The following CNGA3 variants were observed in gnomAD, a reference collection of about 807,000 sequenced individuals.
CNGA3 encodes the protein cyclic nucleotide-gated channel alpha-3.
In CNGA3, 42 loss-of-function variants were observed where a neutral mutation model predicts 46.6. The observed-to-expected ratio is 0.90, with a 90% CI of 0.70 to 1.17. The LOEUF is 1.17. Ranked by LOEUF, CNGA3 falls within the 50% of genes most tolerant of loss-of-function variation. The pLI is 0.00. For missense variants in CNGA3, 893 were observed against 890.7 expected (o/e 1.00, Z -0.03); for synonymous variants, 394 against 369.4 (o/e 1.07, Z -0.76).
At chr2:98,367,186 T>C (rs1200514489) in intron 1 of CNGA3, among the ~76,000 whole-genome samples, 1 of 92,658 alleles carries the variant, frequency 1.1e-5, no homozygotes, top group East Asian at 3.0e-4. Flanking sequence ...CTTTTTTTTC[T>C]TTTTTTTTTT....
At chr2:98,388,017 G>A (rs777599760) in intron 5 of CNGA3, among the ~76,000 whole-genome samples, 2 of 152,178 alleles carry the variant, frequency 1.3e-5, no homozygotes, top group Non-Finnish European at 2.9e-5. Flanking sequence ...TAGAACATTA[G>A]ACTGAGCCAC....
intron 5 of CNGA3, 126 bp from the exon 6 acceptor site, chr2:98,389,532 A>G (rs1400515287): frequency 2.0e-5 from 17 of 833,386 alleles, no homozygotes; most frequent in Non-Finnish European, 3.3e-5. Context: ...CCTTGAGACT[A>G]AGAGGACCCT....
At chr2:98,358,244 GT>G (rs1178858190) in intron 1 of CNGA3, among the ~76,000 whole-genome samples, 2 of 152,286 alleles carry the variant, frequency 1.3e-5, no homozygotes, top group Non-Finnish European at 2.9e-5. Flanking sequence ...GGAAATAATT[GT>G]TTATTCGGCC....
At chr2:98,373,940 C>T (rs1403660388) in intron 2 of CNGA3, among the ~76,000 whole-genome samples, 1 of 152,228 alleles carries the variant, frequency 6.6e-6, no homozygotes. Context: ...TTTCATCCCA[C>T]TTCTCCAGGA....
At chr2:98,368,941 T>G (rs751867897) in intron 1 of CNGA3, among the ~76,000 whole-genome samples, 7 of 152,168 alleles carry the variant, frequency 4.6e-5, no homozygotes, top group Non-Finnish European at 1.0e-4. Context: ...AAAAGACATC[T>G]CAAAAGGCCG....
Position 98,396,301 on chromosome 2 carries a change from G to A in CNGA3, c.1131G>A (p.Glu377=), listed in dbSNP as rs1039033299. 4 of 1,610,894 alleles carry A rather than the reference G, an allele frequency of 2.5e-6. No homozygotes were observed. The highest frequency in any genetic ancestry group is 3.4e-6 in the Non-Finnish European group (4 of 1,177,756). Residue 377 remains glutamate (E), a synonymous_variant, in exon 8 of 8, where the codon GAG becomes GAA. Coordinates refer to ENST00000272602, the MANE Select transcript of CNGA3 (RefSeq NM_001298.3). ...CCCCACCCCCCGTGAAAGATGAGGA[G>A]TATCTCTTTGTGGTCGTAGACTTCT... ...GETPPPVKDE[E]YLFVVVDFLV...
intron 2 of CNGA3, among the ~76,000 whole-genome samples, chr2:98,371,238 G>T (rs1692279754): frequency 2.0e-5 from 3 of 152,120 alleles, no homozygotes; most frequent in Non-Finnish European, 4.4e-5. Context: ...TCCCCACTAT[G>T]CAGCTTAAAT....
intron 5 of CNGA3, 43 bp downstream of exon 5, chr2:98,383,484 GCCCTCCA>G: frequency 1.2e-6 from 2 of 1,603,554 alleles, no homozygotes; most frequent in Non-Finnish European, 1.7e-6. Context: ...CAAGCCCGGT[GCCCTCCA>G]CCCCATAGAA....
chr2:98,357,286 A>C (rs925395900), intron 1 of CNGA3, among the ~76,000 whole-genome samples: 14 of 152,218 alleles, frequency 9.2e-5, no homozygotes, highest in Non-Finnish European at 1.8e-4. Context: ...TGAGCACTGG[A>C]GTGCAAAAGT....
At chr2:98,377,423 G>A (rs1692430506) in intron 2 of CNGA3, 2 of 456,118 alleles carry the variant, frequency 4.4e-6, no homozygotes, top group Non-Finnish European at 4.1e-6. Context: ...TGAGGGCCAG[G>A]CCAGCATGTA....
intron 1 of CNGA3, among the ~76,000 whole-genome samples, chr2:98,352,843 C>G (rs1691796106): frequency 6.6e-6 from 1 of 152,188 alleles, no homozygotes; most frequent in Admixed American, 6.5e-5. Context: ...CTCCAACTTA[C>G]AGACAGCAGC....
chr2:98,391,469 T>C (rs1056225302), intron 6 of CNGA3, among the ~76,000 whole-genome samples: 34 of 152,218 alleles, frequency 2.2e-4, no homozygotes, highest in African/African-American at 7.7e-4. Context: ...ATTTACTGTC[T>C]GTTCCATTGT....
Position 98,396,066 on chromosome 2 carries a change from A to T in CNGA3, c.896A>T (p.Asn299Ile), listed in dbSNP as rs770185966. 1.2e-6 allele frequency: 2 copies of T among 1,614,162 alleles called. No individual in the cohort carries two copies. The highest frequency in any genetic ancestry group is 1.7e-6 in the Non-Finnish European group (2 of 1,180,030). Residue 299 changes from asparagine (N) to isoleucine (I), a missense_variant, in exon 8 of 8, where the codon AAT (asparagine) becomes ATT (isoleucine). Around this residue, in one of 3 missense-constraint regions of CNGA3, gnomAD observed 548 missense variants for 570.8 expected, o/e 0.96. Coordinates refer to ENST00000272602, the MANE Select transcript of CNGA3 (RefSeq NM_001298.3). ...DRTETRTNYPNMFRIGNLVLY... is the reference protein window; with the variant it reads ...DRTETRTNYPIMFRIGNLVLY... Reference sequence around the variant, plus strand: ...ACAGAGACAAGGACCAACTACCCCAATATGTTCAGGATTGGGAACTTGGTC... The same window carrying T: ...ACAGAGACAAGGACCAACTACCCCATTATGTTCAGGATTGGGAACTTGGTC...
chr2:98,377,838 G>A, intron 3 of CNGA3, 38 bp downstream of exon 3: 2 of 1,559,900 alleles, frequency 1.3e-6, no homozygotes, highest in Non-Finnish European at 1.7e-6. Context: ...TGGCCTGGGG[G>A]ACACTGTTGC....
intron 2 of CNGA3, among the ~76,000 whole-genome samples, chr2:98,372,475 T>A (rs1223835350): frequency 2.0e-5 from 3 of 152,158 alleles, no homozygotes; most frequent in African/African-American, 7.2e-5. Context: ...GTCGTCTGCA[T>A]GGGTGAGAAA....
intron 7 of CNGA3, among the ~76,000 whole-genome samples, chr2:98,394,625 T>G (rs1692865738): frequency 6.6e-6 from 1 of 152,240 alleles, no homozygotes; most frequent in Admixed American, 6.5e-5. Flanking sequence ...GCCCTTTTCT[T>G]GTTTGATTTT....
chr2:98,356,348 A>C (rs1207895515), intron 1 of CNGA3, among the ~76,000 whole-genome samples: 1 of 92,920 alleles, frequency 1.1e-5, no homozygotes, highest in Non-Finnish European at 2.7e-5. Context: ...GAGTCTGAGA[A>C]GATTACTTCT....
intron 2 of CNGA3, among the ~76,000 whole-genome samples, chr2:98,370,774 C>T (rs150159469): frequency 2.2e-4 from 34 of 152,302 alleles, no homozygotes; most frequent in Non-Finnish European, 4.7e-4. Flanking sequence ...TGAGGACACC[C>T]GAAGGGACCT....
At chr2:98,356,370 T>G (rs1199783249) in intron 1 of CNGA3, among the ~76,000 whole-genome samples, 1 of 152,014 alleles carries the variant, frequency 6.6e-6, no homozygotes, top group African/African-American at 2.4e-5. Context: ...AGAAGTAAGA[T>G]AGAAGACCCC....
Sources: gnomAD v4.1 joint callset for allele counts (sites outside exome capture counted in the v4.1 genomes callset) on GRCh38, gnomAD v4.1.1 for gene constraint, gnomAD v4.1.1 regional missense constraint, MANE v1.5 for transcripts, NCBI Gene and HGNC (gene_info 2026-07-23, HGNC 2026-07-21) for gene names.